Variants in SORCS2 observed in about 807,000 individuals in gnomAD.
The protein encoded by SORCS2 is sortilin related VPS10 domain containing receptor 2.
Under a neutral mutation model 141.6 loss-of-function variants are expected in SORCS2, and 100 were observed. That is an observed-to-expected ratio of 0.71 (90% CI 0.60 to 0.83). The LOEUF (loss-of-function observed/expected upper bound fraction) is 0.83. Among genes scored for constraint, SORCS2 ranks in the 40% least tolerant of loss-of-function variants. The pLI, the probability that SORCS2 is intolerant of heterozygous loss-of-function variation, is 0.00. For missense variants in SORCS2, 1,646 were observed against 1,560.2 expected (o/e 1.05, Z -0.93); for synonymous variants, 789 against 676.9 (o/e 1.17, Z -2.57).
At position 7,231,642 on chromosome 4, in the gene SORCS2, C is replaced by G. The variant is rs570324594; in HGVS notation, c.480+38516C>G. ...GGGGACCCCCAGATGAACGGGGCAG[C>G]CTACTGAAGCAGAAAGTGGACCATC... On this transcript the variant is annotated intron_variant, in intron 1 of 26. Transcript: ENST00000507866. Among the ~76,000 whole-genome samples the G allele has an allele frequency of 3.9e-5, 6 of 152,320 alleles. No individual in the cohort carries two copies. In the East Asian group the frequency reaches 9.6e-4, roughly 24 times the overall value.
intron 14 of SORCS2, among the ~76,000 whole-genome samples, chr4:7,707,165 C>T (rs1725526730): frequency 6.6e-6 from 1 of 152,212 alleles, no homozygotes; most frequent in Non-Finnish European, 1.5e-5. Flanking sequence ...TTCTGCTCTG[C>T]CATCATCCAA....
chr4:7,661,162 CT>C (rs1341205203), intron 5 of SORCS2, among the ~76,000 whole-genome samples: 1 of 152,168 alleles, frequency 6.6e-6, no homozygotes, highest in East Asian at 1.9e-4. Context: ...ACGTGAAAGT[CT>C]TTTATGAAGA....
intron 1 of SORCS2, among the ~76,000 whole-genome samples, chr4:7,243,541 C>T (rs554728050): frequency 2.3e-3 from 355 of 152,326 alleles, no homozygotes; most frequent in African/African-American, 6.0e-3. Flanking sequence ...CAGAGCCACA[C>T]GGCACAGGCC....
At chr4:7,355,829 T>G (rs6824788) in intron 1 of SORCS2, among the ~76,000 whole-genome samples, 11 of 152,360 alleles carry the variant, frequency 7.2e-5, no homozygotes, top group African/African-American at 2.6e-4. Flanking sequence ...CCAAATGTGC[T>G]GTGCTGCTTT....
chr4:7,411,555 A>C (rs186888178), intron 2 of SORCS2, among the ~76,000 whole-genome samples: 1 of 151,430 alleles, frequency 6.6e-6, no homozygotes, highest in East Asian at 1.9e-4. Flanking sequence ...TTTGCTATCC[A>C]TCCACCCATC....
At chr4:7,284,413 C>T (rs1269623059) in intron 1 of SORCS2, among the ~76,000 whole-genome samples, 1 of 152,208 alleles carries the variant, frequency 6.6e-6, no homozygotes, top group Admixed American at 6.5e-5. Flanking sequence ...GCAAGCTGTG[C>T]ACAGCCTTCA....
At chr4:7,230,666 TC>T (rs1711798055) in intron 1 of SORCS2, among the ~76,000 whole-genome samples, 1 of 118,924 alleles carries the variant, frequency 8.4e-6, no homozygotes, top group African/African-American at 2.9e-5. Flanking sequence ...ATGAAGATGG[TC>T]AAGTCTTCGA....
intron 16 of SORCS2, among the ~76,000 whole-genome samples, chr4:7,714,684 G>C (rs1295463642): frequency 6.6e-6 from 1 of 152,164 alleles, no homozygotes; most frequent in Non-Finnish European, 1.5e-5. Context: ...ACCCACCCCA[G>C]CCCTTCTCCA....
chr4:7,702,353 C>T (rs1040134067), intron 12 of SORCS2, among the ~76,000 whole-genome samples: 2 of 152,248 alleles, frequency 1.3e-5, no homozygotes, highest in Non-Finnish European at 2.9e-5. Context: ...TGGCCGCCCA[C>T]ACATGCATGT....
chr4:7,351,072 C>G (rs1403111169), intron 1 of SORCS2, among the ~76,000 whole-genome samples: 1 of 152,194 alleles, frequency 6.6e-6, no homozygotes, highest in Non-Finnish European at 1.5e-5. Context: ...TTGCTCCGCT[C>G]CACGGACCAG....
chr4:7,451,324 T>G (rs1728452093), intron 2 of SORCS2, among the ~76,000 whole-genome samples: 1 of 152,220 alleles, frequency 6.6e-6, no homozygotes, highest in African/African-American at 2.4e-5. Context: ...TGGGAGCCCC[T>G]GCCACACCCC....
chr4:7,214,354 C>G (rs1160529459), intron 1 of SORCS2, among the ~76,000 whole-genome samples: 1 of 152,160 alleles, frequency 6.6e-6, no homozygotes, highest in Non-Finnish European at 1.5e-5. Flanking sequence ...TGAATTTCAG[C>G]TCCCCTTTTC....
chr4:7,549,345 A>G (rs1027846557), intron 3 of SORCS2, among the ~76,000 whole-genome samples: 1 of 151,560 alleles, frequency 6.6e-6, no homozygotes, highest in Non-Finnish European at 1.5e-5. Flanking sequence ...TTTTCAACCC[A>G]CCTGCTTTCC....
intron 14 of SORCS2, among the ~76,000 whole-genome samples, chr4:7,708,354 C>T (rs2109026542): frequency 6.6e-6 from 1 of 152,308 alleles, no homozygotes; most frequent in African/African-American, 2.4e-5. Flanking sequence ...ATGCTTGGGA[C>T]AGCTCTGCTT....
chr4:7,233,766 G>A lies in SORCS2; in HGVS notation c.480+40640G>A, dbSNP rs886086071. ...GGCTCTGCCCACCTGGGCCTCAGGC[G>A]AGCCTGTACTCCTGCACGCCTCAGT... On this transcript the variant is annotated intron_variant, in intron 1 of 26. Transcript: ENST00000507866. The surrounding 1 kb of genome is among the most constrained non-coding windows in gnomAD (Gnocchi z 4.5). 1.3e-5 allele frequency among the ~76,000 whole-genome samples: 2 copies of A among 152,148 alleles called. No homozygotes were observed. The highest frequency in any genetic ancestry group is 6.5e-5 in the Admixed American group (1 of 15,278).
chr4:7,325,322 T>A lies in SORCS2; in HGVS notation c.481-70966T>A, dbSNP rs1719183051. ...GTCTGCGTCTGTTAAGTGGGGGTGATTGCTTTGAGGTTTAAATTAAATGTT... is the reference window on the plus strand; with the variant it reads ...GTCTGCGTCTGTTAAGTGGGGGTGAATGCTTTGAGGTTTAAATTAAATGTT... On this transcript the variant is annotated intron_variant, in intron 1 of 26. Transcript: ENST00000507866. 2.0e-5 allele frequency among the ~76,000 whole-genome samples: 3 copies of A among 152,128 alleles called. No individual in the cohort carries two copies. In the South Asian group the frequency reaches 6.2e-4, roughly 32 times the overall value.
chr4:7,432,131 C>CT (rs1560279267), intron 2 of SORCS2: 1 of 136,698 alleles, frequency 7.3e-6, no homozygotes, highest in African/African-American at 3.4e-5. Flanking sequence ...CAGATGGAAA[C>CT]CCCCCCCGGA....
rs111342775 is a variant in SORCS2, at chr4:7,262,335, TATCCATCCATCCATCC to T, written c.480+69219_480+69234del. Reference sequence around the variant, plus strand: ...CCACCTATCCATCCATCCATCCATCTATCCATCCATCCATCCATCCATCCACCCACCTATCCATCTA... The same window carrying T: ...CCACCTATCCATCCATCCATCCATCTATCCATCCACCCACCTATCCATCTA... On this transcript the variant is annotated intron_variant, in intron 1 of 26. Transcript: ENST00000507866. Among the ~76,000 whole-genome samples the T allele has an allele frequency of 2.3e-4, 34 of 144,890 alleles. 1 individual carries two copies. The East Asian group carries it at 6.3e-3, about 27-fold the overall frequency.
rs754091212 is a variant in SORCS2 at position 7,319,544 on chromosome 4, T to TA, written c.481-76737dup. 5.9e-5 allele frequency among the ~76,000 whole-genome samples: 9 copies of TA among 151,866 alleles called. No individual in the cohort carries two copies. The Middle Eastern group carries it at 0.014, about 230-fold the overall frequency. ...ACATAGTGAGATCCTATCTCTACAT[T>TA]AAAAAAAGACAAAAAACAAAAAACT... On this transcript the variant is annotated intron_variant, in intron 1 of 26. Transcript: ENST00000507866.
Sources: allele counts gnomAD v4.1 joint callset (sites outside exome capture counted in the v4.1 genomes callset), GRCh38; gene constraint gnomAD v4.1.1; non-coding constraint Gnocchi (gnomAD v3.1); transcripts MANE v1.5; gene names NCBI Gene and HGNC (gene_info 2026-07-23, HGNC 2026-07-21).